The following PTGER4 variants were observed in gnomAD, a reference collection of about 807,000 sequenced individuals.
PTGER4 encodes prostaglandin E receptor 4.
PTGER4 carries 11 observed loss-of-function variants against 33.2 expected under a neutral mutation model. The ratio of observed to expected loss-of-function variants is 0.33; its 90% CI spans 0.21 to 0.55. The LOEUF (loss-of-function observed/expected upper bound fraction) is 0.55. Ranked by LOEUF, PTGER4 falls within the 20% of genes least tolerant of loss-of-function variation. The probability of loss-of-function intolerance (pLI) is 0.92; values close to 1 mark genes in which losing one functional copy is unlikely to be tolerated. For missense variants in PTGER4, 481 were observed against 650.2 expected (o/e 0.74, Z 2.83); for synonymous variants, 275 against 281.5 (o/e 0.98, Z 0.23).
At chr5:40,738,437 T>A in the PTGER4 span, among the ~76,000 whole-genome samples, 2 of 70,248 alleles carry the variant, frequency 2.8e-5, no homozygotes, top group African/African-American at 1.2e-4. Context: ...AAATAAAATA[T>A]AAAATAAAAT....
the PTGER4 span, among the ~76,000 whole-genome samples, chr5:40,742,178 C>A: frequency 2.6e-5 from 4 of 151,990 alleles, no homozygotes; most frequent in Admixed American, 2.6e-4. Flanking sequence ...TCTCTCATGG[C>A]TGTCAGTAGA....
At chr5:40,737,843 T>G in the PTGER4 span, among the ~76,000 whole-genome samples, 1 of 152,222 alleles carries the variant, frequency 6.6e-6, no homozygotes, top group African/African-American at 2.4e-5. Flanking sequence ...AGACGGTATG[T>G]ACTCTTCCTG....
At position 40,689,314 on chromosome 5, in the gene PTGER4, T is replaced by A. The variant is rs115391913; in HGVS notation, c.868-2465T>A. Among the ~76,000 whole-genome samples, 292 of 152,350 alleles carry A rather than the reference T, an allele frequency of 1.9e-3. 1 individual carries two copies. The highest frequency in any genetic ancestry group is 6.6e-3 in the African/African-American group (274 of 41,584). On this transcript the variant is annotated intron_variant, in intron 2 of 2. Coordinates refer to ENST00000302472, the MANE Select transcript of PTGER4 (RefSeq NM_000958.3). ...CAGAGACCTATAGCTAATTAAGATC[T>A]AAATTCCAGTTAAGGAAGAAAAAGA...
At chr5:40,708,829 C>G in the PTGER4 span, among the ~76,000 whole-genome samples, 3 of 152,290 alleles carry the variant, frequency 2.0e-5, no homozygotes, top group South Asian at 6.2e-4. Context: ...AAAAGCTTAT[C>G]CACCATGATC....
the PTGER4 span, among the ~76,000 whole-genome samples, chr5:40,732,099 ACTCTTGGG>A: frequency 6.6e-6 from 1 of 151,694 alleles, no homozygotes; most frequent in Non-Finnish European, 1.5e-5. Context: ...GCAGCCTTGA[ACTCTTGGG>A]CTCAAGGGCC....
chr5:40,687,859 C>T (rs1452115647), intron 2 of PTGER4, among the ~76,000 whole-genome samples: 3 of 152,262 alleles, frequency 2.0e-5, no homozygotes, highest in East Asian at 3.9e-4. Flanking sequence ...AACTTTTCCT[C>T]CCCCATGGAA....
chr5:40,685,342 A>G, intron 2 of PTGER4: 1 of 947,478 alleles, frequency 1.1e-6, no homozygotes, highest in Middle Eastern at 5.4e-4. Context: ...GCAAAAGTTT[A>G]TAAGGACAGA....
At chr5:40,726,196 A>G in the PTGER4 span, among the ~76,000 whole-genome samples, 1 of 145,534 alleles carries the variant, frequency 6.9e-6, no homozygotes, top group African/African-American at 2.6e-5. Context: ...TAAAATGTAT[A>G]CCATATACAT....
chr5:40,727,930 TG>T, the PTGER4 span, among the ~76,000 whole-genome samples: 2 of 152,168 alleles, frequency 1.3e-5, no homozygotes, highest in Non-Finnish European at 2.9e-5. Context: ...ATTTGCTAAT[TG>T]TTTTTTGTAT....
At chr5:40,734,939 G>A in the PTGER4 span, among the ~76,000 whole-genome samples, 7 of 152,288 alleles carry the variant, frequency 4.6e-5, no homozygotes, top group African/African-American at 1.7e-4. Flanking sequence ...ATTCGGAATG[G>A]GCGGTCAAGA....
At chr5:40,723,807 G>C in the PTGER4 span, among the ~76,000 whole-genome samples, 1 of 151,956 alleles carries the variant, frequency 6.6e-6, no homozygotes, top group African/African-American at 2.4e-5. Flanking sequence ...AGAGGTTACA[G>C]TGAGCCGAGA....
At chr5:40,698,740 C>T in the PTGER4 span, among the ~76,000 whole-genome samples, 1 of 152,082 alleles carries the variant, frequency 6.6e-6, no homozygotes, top group African/African-American at 2.4e-5. Flanking sequence ...AGGGAGACAA[C>T]TAATTATTTT....
At chr5:40,734,696 T>C in the PTGER4 span, among the ~76,000 whole-genome samples, 1 of 152,242 alleles carries the variant, frequency 6.6e-6, no homozygotes. Context: ...GCTTATTCAC[T>C]TTATAAATAT....
chr5:40,705,657 T>C, the PTGER4 span, among the ~76,000 whole-genome samples: 1 of 152,080 alleles, frequency 6.6e-6, no homozygotes, highest in Non-Finnish European at 1.5e-5. Flanking sequence ...CATTAAAACA[T>C]GGGCAAAGGA....
the PTGER4 span, among the ~76,000 whole-genome samples, chr5:40,729,951 G>A: frequency 1.3e-5 from 2 of 152,090 alleles, no homozygotes; most frequent in Non-Finnish European, 2.9e-5. Flanking sequence ...CACCCACCTC[G>A]GCCTCCCAAA....
the PTGER4 span, among the ~76,000 whole-genome samples, chr5:40,738,539 C>CAATACAATAA: frequency 1.5e-5 from 1 of 67,442 alleles, no homozygotes; most frequent in African/African-American, 5.8e-5. Context: ...CAATAAAATA[C>CAATACAATAA]AATAAAATAA....
In PTGER4 at chr5:40,691,709, A is replaced by G; in HGVS notation, c.868-70A>G. On this transcript the variant is annotated intron_variant, in intron 2 of 2. Coordinates refer to ENST00000302472, the MANE Select transcript of PTGER4 (RefSeq NM_000958.3). The surrounding 1 kb of genome is among the most constrained non-coding windows in gnomAD (Gnocchi z 4.2). ...GGCAGCTTCCTAATATTGATAAGGT[A>G]GACATAGCATTTATATGTTTTCCCA... is the stretch of plus-strand genomic sequence containing the variant. 1 of 1,527,714 alleles carries G rather than the reference A, an allele frequency of 6.5e-7. No homozygotes were observed. Among genetic ancestry groups the G allele is most frequent in the Non-Finnish European group, 8.8e-7 (1 of 1,132,182 alleles). 94.6% of individuals were successfully genotyped at this position (1,527,714 alleles called of 1,614,324 possible). A position where few individuals can be genotyped will look rare whatever the true frequency, so the allele number is the denominator to read the frequency against.
the PTGER4 span, among the ~76,000 whole-genome samples, chr5:40,722,873 G>A: frequency 1.4e-4 from 21 of 150,754 alleles, no homozygotes; most frequent in South Asian, 1.9e-3. Context: ...GGGCGCCTCC[G>A]CCCGGCTGCC....
At chr5:40,719,848 T>C in the PTGER4 span, among the ~76,000 whole-genome samples, 174 of 152,344 alleles carry the variant, frequency 1.1e-3, 1 homozygote, top group African/African-American at 4.0e-3. Flanking sequence ...TTTGGAAAAA[T>C]ACCTTTTCAA....
Sources: allele counts gnomAD v4.1 joint callset (sites outside exome capture counted in the v4.1 genomes callset), GRCh38; gene constraint gnomAD v4.1.1; non-coding constraint Gnocchi (gnomAD v3.1); transcripts MANE v1.5; gene names NCBI Gene and HGNC (gene_info 2026-07-23, HGNC 2026-07-21).